The following CADM1 variants were observed in gnomAD, a reference collection of about 807,000 sequenced individuals.
CADM1 encodes TSLC-1.
A neutral mutation model predicts 53.1 loss-of-function variants in CADM1; 15 were observed. That is an observed-to-expected ratio of 0.28 (90% CI 0.19 to 0.44). The LOEUF (loss-of-function observed/expected upper bound fraction) is 0.44, where lower values mean the gene tolerates loss of function less well. Ranked by LOEUF, CADM1 falls within the 20% of genes least tolerant of loss-of-function variation. CADM1 has a pLI of 1.00. For missense variants in CADM1, 434 were observed against 611.3 expected (o/e 0.71, Z 3.06); for synonymous variants, 281 against 243.0 (o/e 1.16, Z -1.45).
intron 1 of CADM1, among the ~76,000 whole-genome samples, chr11:115,346,918 A>G (rs1396078143): frequency 6.6e-6 from 1 of 152,224 alleles, no homozygotes; most frequent in East Asian, 1.9e-4. Context: ...TATTTAACAA[A>G]GAATAATAAT....
intron 1 of CADM1, among the ~76,000 whole-genome samples, chr11:115,358,449 A>G (rs1407908163): frequency 1.3e-5 from 2 of 152,112 alleles, no homozygotes; most frequent in Non-Finnish European, 2.9e-5. Flanking sequence ...ACTCCTCTTT[A>G]TTAAAACCAT....
intron 1 of CADM1, among the ~76,000 whole-genome samples, chr11:115,247,610 T>C (rs1188401496): frequency 6.6e-6 from 1 of 152,210 alleles, no homozygotes; most frequent in East Asian, 1.9e-4. Context: ...TAGCCAAGAA[T>C]ACTGATGCTT....
In CADM1 at chr11:115,176,308, G is replaced by T. The variant is rs1002716280; in HGVS notation, c.*166C>A. 2 of 1,500,044 alleles carry T rather than the reference G, an allele frequency of 1.3e-6. No homozygotes were observed. The highest frequency in any genetic ancestry group is 2.3e-4 in the Middle Eastern group (1 of 4,302). 92.9% of individuals were successfully genotyped at this position (1,500,044 alleles called of 1,614,324 possible). A position where few individuals can be genotyped will look rare whatever the true frequency, so the allele number is the denominator to read the frequency against. ...CAAACAGCAGAGTGTACTTTCCAAA[G>T]AACATTTTTTTTTTTTTTACACAGC... On this transcript the variant is annotated 3_prime_UTR_variant, in exon 12 of 12. Transcript: ENST00000331581.
intron 1 of CADM1, among the ~76,000 whole-genome samples, chr11:115,275,736 A>G (rs985568478): frequency 6.6e-6 from 1 of 152,214 alleles, no homozygotes; most frequent in African/African-American, 2.4e-5. Context: ...TAACTTCTCT[A>G]AGAGGACCCA....
chr11:115,211,663 T>C (rs1032531453), intron 7 of CADM1, among the ~76,000 whole-genome samples: 1 of 150,442 alleles, frequency 6.6e-6, no homozygotes, highest in African/African-American at 2.4e-5. Flanking sequence ...TATTTTTTTT[T>C]TTTTTTTAGT....
intron 1 of CADM1, among the ~76,000 whole-genome samples, chr11:115,340,639 TATATATATA>T (rs1227003384): frequency 3.7e-4 from 11 of 29,736 alleles, no homozygotes; most frequent in East Asian, 2.3e-3. Context: ...TATATATATA[TATATATATA>T]TATATATATA....
intron 1 of CADM1, among the ~76,000 whole-genome samples, chr11:115,351,603 A>G (rs1258436461): frequency 2.0e-5 from 3 of 152,206 alleles, no homozygotes; most frequent in Admixed American, 6.5e-5. Context: ...ATTGTATGCA[A>G]ACAAAATACA....
At chr11:115,408,260 T>C (rs985606626) in intron 1 of CADM1, among the ~76,000 whole-genome samples, 1 of 152,208 alleles carries the variant, frequency 6.6e-6, no homozygotes, top group Non-Finnish European at 1.5e-5. Flanking sequence ...AACACTCCAA[T>C]GTATTAACTT....
intron 1 of CADM1, among the ~76,000 whole-genome samples, chr11:115,400,570 A>C (rs1947112620): frequency 7.0e-6 from 1 of 143,174 alleles, no homozygotes; most frequent in Non-Finnish European, 1.5e-5. Flanking sequence ...TGATATATAT[A>C]TATATATAAT....
chr11:115,307,153 T>C (rs1289074383), intron 1 of CADM1, among the ~76,000 whole-genome samples: 1 of 152,008 alleles, frequency 6.6e-6, no homozygotes, highest in Non-Finnish European at 1.5e-5. Flanking sequence ...GATTTCCATA[T>C]TTGAGGGCAA....
At chr11:115,450,402 T>C (rs1441869561) in intron 1 of CADM1, among the ~76,000 whole-genome samples, 1 of 152,234 alleles carries the variant, frequency 6.6e-6, no homozygotes, top group Non-Finnish European at 1.5e-5. Context: ...GTTCTAAAAC[T>C]GTGCTTCTAT....
At chr11:115,470,516 G>T (rs184999823) in intron 1 of CADM1, among the ~76,000 whole-genome samples, 3 of 152,286 alleles carry the variant, frequency 2.0e-5, no homozygotes, top group Admixed American at 2.0e-4. Flanking sequence ...CAATAGATTT[G>T]TCAAAAAGTC....
At position 115,198,396 on chromosome 11, in the gene CADM1, T is replaced by C; in HGVS notation, c.1111+10A>G. The stretch of plus-strand genomic sequence containing the variant: ...CTGAGAAAGTAGATAAACAGTAATG[T>C]GATACCAACCGTGAACTGCTGGTTC... On this transcript the variant is annotated intron_variant, in intron 9 of 11. Coordinates refer to ENST00000331581, the MANE Select transcript of CADM1 (RefSeq NM_001301043.2). The C allele has an allele frequency of 6.3e-7, 1 of 1,591,502 alleles. No homozygotes were observed. Among genetic ancestry groups the C allele is most frequent in the Non-Finnish European group, 8.5e-7 (1 of 1,175,634 alleles).
intron 1 of CADM1, among the ~76,000 whole-genome samples, chr11:115,309,780 A>G (rs1156970080): frequency 6.6e-6 from 1 of 152,092 alleles, no homozygotes; most frequent in Non-Finnish European, 1.5e-5. Flanking sequence ...CTCACCTATA[A>G]ATGGGGATAA....
At chr11:115,399,575 T>A (rs1947084895) in intron 1 of CADM1, 1 of 152,142 alleles carries the variant, frequency 6.6e-6, no homozygotes, top group African/African-American at 2.4e-5. Context: ...TCTCAGAAAC[T>A]TTACCTACTA....
chr11:115,277,223 C>T (rs1424451470), intron 1 of CADM1, among the ~76,000 whole-genome samples: 3 of 152,146 alleles, frequency 2.0e-5, no homozygotes, highest in Admixed American at 2.0e-4. Flanking sequence ...AGCATTGATA[C>T]CCTGAAAGCT....
chr11:115,462,739 G>A (rs1314346089), intron 1 of CADM1, among the ~76,000 whole-genome samples: 1 of 152,214 alleles, frequency 6.6e-6, no homozygotes, highest in African/African-American at 2.4e-5. Context: ...TTCTGTCCAG[G>A]CAGAGGCTGG....
At chr11:115,400,684 T>TATATATATATATATAG (rs1947129921) in intron 1 of CADM1, among the ~76,000 whole-genome samples, 1 of 52,468 alleles carries the variant, frequency 1.9e-5, no homozygotes, top group Non-Finnish European at 5.3e-5. Flanking sequence ...TATATATATA[T>TATATATATATATATAG]ATATATATAT....
chr11:115,430,288 G>T (rs546159980), intron 1 of CADM1, among the ~76,000 whole-genome samples: 1 of 152,306 alleles, frequency 6.6e-6, no homozygotes, highest in South Asian at 2.1e-4. Flanking sequence ...CTATCCTATA[G>T]AGATAGCTAA....
Sources: allele counts gnomAD v4.1 joint callset (sites outside exome capture counted in the v4.1 genomes callset), GRCh38; gene constraint gnomAD v4.1.1; transcripts MANE v1.5; gene names NCBI Gene and HGNC (gene_info 2026-07-23, HGNC 2026-07-21).